Variants in ADAM33 observed in about 807,000 individuals in gnomAD.
The protein encoded by ADAM33 is disintegrin and metalloproteinase domain-containing protein 33.
A neutral mutation model predicts 106.2 loss-of-function variants in ADAM33; 103 were observed. That is an observed-to-expected ratio of 0.97 (90% CI 0.83 to 1.14). The LOEUF is 1.14. ADAM33 is among the 50% of genes most tolerant of loss of function. The probability of loss-of-function intolerance (pLI) is 0.00; values close to 1 mark genes in which losing one functional copy is unlikely to be tolerated. For missense variants in ADAM33, 1,120 were observed against 1,096.6 expected, an observed-to-expected ratio of 1.02 and a Z score of -0.30; for synonymous variants, 483 against 453.0, an observed-to-expected ratio of 1.07 and a Z score of -0.84.
At chr20:3,674,953 AAGG>A (rs2087842723) in intron 4 of ADAM33, 71 bp downstream of exon 4, 2 of 1,610,028 alleles carry the variant, frequency 1.2e-6, no homozygotes, top group Non-Finnish European at 1.7e-6. Context: ...TTAGGAATGC[AAGG>A]AGGAGTAGGG....
rs367645851 is a variant in ADAM33 at position 3,674,540 on chromosome 20, C to T, written c.564G>A (p.Ala188=). 25 of 1,613,442 alleles carry T rather than the reference C, an allele frequency of 1.5e-5. No individual in the cohort carries two copies. The highest frequency in any genetic ancestry group is 2.2e-5 in the East Asian group (1 of 44,894). The part of the protein sequence containing the change: ...TCGHRDPGNK[A]GMTSLPGGPQ... Reference sequence around the variant, plus strand: ...GACCACCAGGAAGGCTGGTCATGCCCGCTTTGTTCCCAGGATCCCTGTGGC... The same window carrying T: ...GACCACCAGGAAGGCTGGTCATGCCTGCTTTGTTCCCAGGATCCCTGTGGC... Residue 188 remains alanine (A), a synonymous_variant, in exon 6 of 22, where the codon GCG becomes GCA. Transcript: ENST00000356518.
At chr20:3,671,366 G>C (rs2087521875) in intron 17 of ADAM33, 21 bp from the exon 18 acceptor site, 1 of 1,611,674 alleles carries the variant, frequency 6.2e-7, no homozygotes, top group Admixed American at 1.7e-5. Context: ...GAGAAGAGGA[G>C]GGTCACGTAG....
intron 1 of ADAM33, among the ~76,000 whole-genome samples, chr20:3,680,477 C>A (rs1364937376): frequency 6.6e-6 from 1 of 152,200 alleles, no homozygotes; most frequent in Non-Finnish European, 1.5e-5. Flanking sequence ...CTTTTTTCTC[C>A]TCCACCTTCT....
chr20:3,681,057 G>A (rs980697639), intron 1 of ADAM33, among the ~76,000 whole-genome samples: 1 of 152,150 alleles, frequency 6.6e-6, no homozygotes, highest in Non-Finnish European at 1.5e-5. Flanking sequence ...GAACAGACCA[G>A]GCCCCTGTAC....
At chr20:3,676,884 C>A (rs2088014104) in intron 3 of ADAM33, among the ~76,000 whole-genome samples, 183 bp downstream of exon 3, 1 of 152,244 alleles carries the variant, frequency 6.6e-6, no homozygotes, top group South Asian at 2.1e-4. Flanking sequence ...CACAGCGGGG[C>A]TGACAGCCTC....
At chr20:3,672,370 A>G in intron 13 of ADAM33, 41 bp from the exon 14 acceptor site, 1 of 1,601,856 alleles carries the variant, frequency 6.2e-7, no homozygotes. Flanking sequence ...GAGAGAGGCC[A>G]CGTGCAGTGA....
intron 6 of ADAM33, 66 bp downstream of exon 6, chr20:3,674,428 TGTGAATTCCC>T: frequency 6.2e-7 from 1 of 1,600,950 alleles, no homozygotes; most frequent in South Asian, 1.1e-5. Flanking sequence ...ACTCGAGGCC[TGTGAATTCCC>T]GTCTCTTCTG....
At chr20:3,676,355 C>T (rs1274896415) in intron 3 of ADAM33, among the ~76,000 whole-genome samples, 1 of 152,186 alleles carries the variant, frequency 6.6e-6, no homozygotes, top group Non-Finnish European at 1.5e-5. Context: ...ACCTTCCAGG[C>T]AGGTCAGACA....
At position 3,671,422 on chromosome 20, in the gene ADAM33, G is replaced by C. The variant is rs372253608; in HGVS notation, c.1980C>G (p.His660Gln). 5 of 1,612,514 alleles carry C rather than the reference G, an allele frequency of 3.1e-6. No individual in the cohort carries two copies. Among genetic ancestry groups the C allele is most frequent in the Non-Finnish European group, 4.2e-6 (5 of 1,179,196 alleles). ...CCCCCACTCCTCGGGCTCTCACCCC[G>C]TGGCTGTGGCAGGCAGTCAGGCAGC... ...LQRCLTACHS[H>Q]GVCNSNHNCH... Residue 660 changes from histidine to glutamine, a missense_variant, in exon 17 of 22, where the codon CAC (histidine) becomes CAG (glutamine). By Grantham distance (24) the His-to-Gln change is conservative. Coordinates refer to ENST00000356518, the MANE Select transcript of ADAM33 (RefSeq NM_025220.5).
rs1568799551 is a variant in ADAM33 at position 3,671,696 on chromosome 20, A to C, written c.1790T>G (p.Val597Gly). 3.2e-6 allele frequency: 5 copies of C among 1,587,290 alleles called. No homozygotes were observed. The highest frequency in any genetic ancestry group is 3.4e-6 in the Non-Finnish European group (4 of 1,166,418). ...APHMVPVDST[V>G]HLDGQEVTCR... is the part of the protein sequence containing the mutation. ...AGTCACTTCCTGGCCATCTAGGTGA[A>C]CGGTAGAGTCCACTGGCACCATGTG... Residue 597 changes from valine to glycine, a missense_variant, in exon 16 of 22, where the codon GTT becomes GGT. By Grantham distance (109) the Val-to-Gly change is moderately radical. Transcript: ENST00000356518.
At chr20:3,670,954 T>C in intron 19 of ADAM33, 52 bp downstream of exon 19, 3 of 1,505,412 alleles carry the variant, frequency 2.0e-6, no homozygotes, top group Non-Finnish European at 2.7e-6. Flanking sequence ...AGCAGAGCTC[T>C]GAGGAGGGGA....
rs772312924 is a variant in ADAM33 at position 3,674,053 on chromosome 20, C to T, written c.738+11G>A. On this transcript the variant is annotated intron_variant, in intron 8 of 21. Transcript: ENST00000356518. Reference sequence around the variant, plus strand: ...CACCCCCATCACCGCTCTCTCCCCGCCGCCCCCAACCTGGTCCACGTAGTT... The same window carrying T: ...CACCCCCATCACCGCTCTCTCCCCGTCGCCCCCAACCTGGTCCACGTAGTT... 1 of 1,614,018 alleles carries T rather than the reference C, an allele frequency of 6.2e-7. No homozygotes were observed. Among genetic ancestry groups the T allele is most frequent in the Admixed American group, 1.7e-5 (1 of 60,026 alleles).
In ADAM33 at chr20:3,669,382, G is replaced by A. The variant is rs1366040807; in HGVS notation, c.2333-12C>T. 6.2e-7 allele frequency: 1 copy of A among 1,601,770 alleles called. No individual in the cohort carries two copies. The highest frequency in any genetic ancestry group is 1.7e-4 in the Middle Eastern group (1 of 6,004). Reference sequence around the variant, plus strand: ...AGAGTTCTCAGGGTCTGGGAGAAATGGTGGAGGGTAAATGTTGTGAATATG... The same window carrying A: ...AGAGTTCTCAGGGTCTGGGAGAAATAGTGGAGGGTAAATGTTGTGAATATG... On this transcript the variant is annotated splice_polypyrimidine_tract_variant and intron_variant, in intron 20 of 21. Coordinates refer to ENST00000356518, the MANE Select transcript of ADAM33 (RefSeq NM_025220.5).
chr20:3,676,932 C>T (rs972219206), intron 3 of ADAM33, 135 bp downstream of exon 3: 2 of 932,230 alleles, frequency 2.1e-6, no homozygotes, highest in Non-Finnish European at 3.1e-6. Context: ...CAACCACAGG[C>T]CTGCGTGACT....
intron 2 of ADAM33, 117 bp from the exon 3 acceptor site, chr20:3,677,260 G>A: frequency 1.3e-6 from 1 of 765,048 alleles, no homozygotes; most frequent in Non-Finnish European, 2.0e-6. Context: ...CGTGGGCTGG[G>A]GAGTCAGCAG....
rs2087850983 is a variant in ADAM33 at position 3,675,044 on chromosome 20, G to T, written c.316C>A (p.Leu106Met). The T allele has an allele frequency of 6.2e-7, 1 of 1,613,440 alleles. No homozygotes were observed. Among genetic ancestry groups the T allele is most frequent in the Non-Finnish European group, 8.5e-7 (1 of 1,179,900 alleles). Residue 106 changes from leucine to methionine, a missense_variant, in exon 4 of 22, where the codon CTG becomes ATG. Transcript: ENST00000356518. The surrounding 1 kb of genome is among the most constrained non-coding windows in gnomAD (Gnocchi z 4.1). ...HYGPDGQPVVLAPNHTDHCHY... is the reference protein window; with the variant it reads ...HYGPDGQPVVMAPNHTDHCHY... The stretch of plus-strand genomic sequence containing the variant: ...CATCTCACCGTGTGGTTGGGGGCCA[G>T]CACCACTGGCTGCCCATCTGGGCCG...
At position 3,672,868 on chromosome 20, in the gene ADAM33, G is replaced by T; in HGVS notation, c.1164C>A (p.Cys388Ter). 1 of 1,577,354 alleles carries T rather than the reference G, an allele frequency of 6.3e-7. No homozygotes were observed. Among genetic ancestry groups the T allele is most frequent in the South Asian group, 1.1e-5 (1 of 88,876 alleles). ...AGAAGGCGCGCAGCTGGCGGCGGCT[G>T]CAGGCGCTGAACACGCGCGGAAACG... ...GHPFPRVFSA[C>*]SRRQLRAFFR... Residue 388 changes from cysteine to a stop codon, truncating the protein, a stop_gained, in exon 12 of 22, where the codon TGC becomes TGA. Coordinates refer to ENST00000356518, the MANE Select transcript of ADAM33 (RefSeq NM_025220.5). LOFTEE classifies it high-confidence loss of function.
chr20:3,681,823 G>T, intron 1 of ADAM33, 85 bp downstream of exon 1: 3 of 1,497,694 alleles, frequency 2.0e-6, no homozygotes, highest in South Asian at 1.3e-5. Context: ...TCCGCGCGCT[G>T]ACCCGAGCTC....
In ADAM33 at chr20:3,673,761, A is replaced by G; in HGVS notation, c.889T>C (p.Ser297Pro). Residue 297 changes from serine (S) to proline (P), a missense_variant, in exon 9 of 22, where the codon TCC becomes CCC. By Grantham distance (74) the Ser-to-Pro change is moderately conservative. Transcript: ENST00000356518. The part of the protein sequence containing the change: ...RGLWAQRPHD[S>P]AQLLTGRAFQ... ...GGCACCCACGTGAGCAGCTGCGCGG[A>G]GTCGTGGGGCCGCTGCGCCCACAGC... is the stretch of plus-strand genomic sequence containing the variant. The G allele has an allele frequency of 6.6e-7, 1 of 1,522,230 alleles. No individual in the cohort carries two copies. Among genetic ancestry groups the G allele is most frequent in the Non-Finnish European group, 8.8e-7 (1 of 1,139,618 alleles). 94.3% of individuals were successfully genotyped at this position (1,522,230 alleles called of 1,614,324 possible). A position where few individuals can be genotyped will look rare whatever the true frequency, so the allele number is the denominator to read the frequency against.
Sources: allele counts gnomAD v4.1 joint callset (sites outside exome capture counted in the v4.1 genomes callset), GRCh38; gene constraint gnomAD v4.1.1; non-coding constraint Gnocchi (gnomAD v3.1); transcripts MANE v1.5; gene names NCBI Gene and HGNC (gene_info 2026-07-23, HGNC 2026-07-21).